Variants in NT5DC4 observed in about 807,000 individuals in gnomAD.
NT5DC4 encodes 5'-nucleotidase domain-containing protein 4.
Under a neutral mutation model 26.6 loss-of-function variants are expected in NT5DC4, and 44 were observed. The observed-to-expected ratio is 1.65, with a 90% CI of 1.30 to 2.13. The LOEUF (loss-of-function observed/expected upper bound fraction) is 2.13, where lower values mean the gene tolerates loss of function less well. Among genes scored for constraint, NT5DC4 ranks in the 30% most tolerant of loss-of-function variants. NT5DC4 has a pLI of 0.00. For synonymous variants in NT5DC4, 157 were observed against 86.7 expected, an observed-to-expected ratio of 1.81 and a Z score of -4.51; for missense variants, 399 against 228.1, an observed-to-expected ratio of 1.75 and a Z score of -4.83.
At chr2:112,725,900 C>T (rs1677647599) in intron 13 of NT5DC4, among the ~76,000 whole-genome samples, 2 of 141,518 alleles carry the variant, frequency 1.4e-5, no homozygotes, top group South Asian at 4.7e-4. Context: ...ACACCTTCCA[C>T]CCAGGTATGA....
downstream of NT5DC4, chr2:112,742,566 G>T: frequency 1.4e-6 from 1 of 710,692 alleles, no homozygotes; most frequent in Non-Finnish European, 2.6e-6. Context: ...GATGACAATG[G>T]CTGAAAGGGC....
rs1294833948 is a variant in NT5DC4 at position 112,723,474 on chromosome 2, T to C, written c.672+6T>C. The C allele has an allele frequency of 1.4e-6, 1 of 716,776 alleles. No individual in the cohort carries two copies. The highest frequency in any genetic ancestry group is 1.7e-5 in the African/African-American group (1 of 57,150). 44.4% of individuals were successfully genotyped at this position (716,776 alleles called of 1,614,324 possible). The stretch of plus-strand genomic sequence containing the variant: ...AGAAATATGTGAAGAAGGATGTGAG[T>C]GGCCACAGACCCAGGGCCATGGCCA... On this transcript the variant is annotated splice_donor_region_variant and intron_variant, in intron 8 of 16. Coordinates refer to ENST00000688554, the MANE Select transcript of NT5DC4 (RefSeq NM_001393655.1).
chr2:112,742,509 C>A, downstream of NT5DC4: 1 of 718,750 alleles, frequency 1.4e-6, no homozygotes, highest in South Asian at 1.5e-5. Context: ...AACCTTTGTT[C>A]AGTATTGAGT....
intron 10 of NT5DC4, 125 bp downstream of exon 10, chr2:112,724,251 G>A (rs947405787): frequency 1.4e-6 from 1 of 694,072 alleles, no homozygotes; most frequent in South Asian, 1.5e-5. Flanking sequence ...ACCTGAGTGT[G>A]TGAGTGGTCA....
rs976777664 is a variant in NT5DC4 at position 112,722,291 on chromosome 2, G to C, written c.362+13G>C. ...CCTTCCTCTCGGAGTAAGGGACAAA[G>C]GTGCCGGGAGAGTGGCAGGCCAGGA... On this transcript the variant is annotated intron_variant, in intron 4 of 16. Coordinates refer to ENST00000688554, the MANE Select transcript of NT5DC4 (RefSeq NM_001393655.1). The C allele has an allele frequency of 2.0e-5, 14 of 716,942 alleles. No homozygotes were observed. The highest frequency in any genetic ancestry group is 1.8e-5 in the Non-Finnish European group (7 of 385,092). The allele number at this position is 716,942 out of a possible 1,614,324, so 44.4% of individuals were successfully genotyped here.
In NT5DC4 at chr2:112,726,321, G is replaced by A. The variant is rs894090114; in HGVS notation, c.1205+32G>A. On this transcript the variant is annotated intron_variant, in intron 14 of 16. Coordinates refer to ENST00000688554, the MANE Select transcript of NT5DC4 (RefSeq NM_001393655.1). ...CCCTGGCCTTTCTGGGGGTGGGATG[G>A]GGCAGGGAGAGGTATGGAGGGGCAG... The A allele has an allele frequency of 7.0e-6, 5 of 717,158 alleles. No individual in the cohort carries two copies. In the African/African-American group the frequency reaches 8.7e-5, roughly 13 times the overall value. The allele number at this position is 717,158 out of a possible 1,614,324, so 44.4% of individuals were successfully genotyped here.
rs1676827178 is a variant in NT5DC4 at position 112,721,158 on chromosome 2, G to A, written c.74+5G>A. On this transcript the variant is annotated splice_donor_5th_base_variant and intron_variant, in intron 1 of 16. Transcript: ENST00000688554. ...GAAGCAGGACTGGCACCAGCGGTGA[G>A]ATGGGCACCTGGGGTGGGGGCCAGG... Among the ~76,000 whole-genome samples, 1 of 152,208 alleles carries A rather than the reference G, an allele frequency of 6.6e-6. No individual in the cohort carries two copies. The highest frequency in any genetic ancestry group is 2.1e-4 in the South Asian group (1 of 4,830).
intron 15 of NT5DC4, among the ~76,000 whole-genome samples, chr2:112,727,529 T>A (rs1468214887): frequency 6.6e-6 from 1 of 152,112 alleles, no homozygotes; most frequent in East Asian, 1.9e-4. Context: ...GTGGGTTTAG[T>A]CCTGGGTGGT....
At chr2:112,742,640 T>C (rs1680049903), downstream of NT5DC4, 4 of 1,067,596 alleles carry the variant, frequency 3.7e-6, no homozygotes, top group Non-Finnish European at 5.7e-6. Flanking sequence ...CTTTTTCCTA[T>C]ATGTCCTGGA....
intron 16 of NT5DC4, chr2:112,738,607 A>G (rs1010694503): frequency 8.9e-6 from 5 of 560,536 alleles, no homozygotes; most frequent in South Asian, 4.7e-5. Context: ...AAATTTATGT[A>G]TACTGTAAAA....
chr2:112,720,636 G>A (rs1676789203), upstream of NT5DC4, among the ~76,000 whole-genome samples: 1 of 152,136 alleles, frequency 6.6e-6, no homozygotes, highest in Non-Finnish European at 1.5e-5. Context: ...TCTCTAAATG[G>A]CCTTGAGCTG....
intron 4 of NT5DC4, 87 bp downstream of exon 4, chr2:112,722,365 G>A: frequency 1.4e-6 from 1 of 712,708 alleles, no homozygotes. Context: ...GAGGGAGGAA[G>A]GACGCAGGCC....
At chr2:112,722,373 G>A (rs1250660847) in intron 4 of NT5DC4, 95 bp downstream of exon 4, 12 of 712,000 alleles carry the variant, frequency 1.7e-5, no homozygotes, top group Non-Finnish European at 3.1e-5. Flanking sequence ...AAGGACGCAG[G>A]CCCACGGTGG....
intron 16 of NT5DC4, among the ~76,000 whole-genome samples, chr2:112,732,077 A>C (rs1258575408): frequency 6.6e-6 from 1 of 151,646 alleles, no homozygotes; most frequent in Non-Finnish European, 1.5e-5. Context: ...CACCTGGCTA[A>C]TTTTTGTATT....
intron 16 of NT5DC4, chr2:112,731,113 A>G (rs1678436322): frequency 6.6e-6 from 1 of 152,048 alleles, no homozygotes; most frequent in Non-Finnish European, 1.5e-5. Context: ...AGGATCAGGA[A>G]AGTTACATCG....
At chr2:112,734,788 C>T (rs1444404143) in intron 16 of NT5DC4, among the ~76,000 whole-genome samples, 1 of 152,142 alleles carries the variant, frequency 6.6e-6, no homozygotes, top group African/African-American at 2.4e-5. Flanking sequence ...TTCCCGGGTT[C>T]AAGTGATCCT....
rs945392213 is a variant in NT5DC4, at chr2:112,722,128, G to T, written c.266+25G>T. On this transcript the variant is annotated intron_variant, in intron 3 of 16. Coordinates refer to ENST00000688554, the MANE Select transcript of NT5DC4 (RefSeq NM_001393655.1). ...GGTGTGTGGCTCAGGACAGGTGGGA[G>T]GCCACCCGGCCTTGGTACCCCCACC... 5.6e-6 allele frequency: 4 copies of T among 713,426 alleles called. No individual in the cohort carries two copies. The South Asian group carries it at 5.9e-5, about 11-fold the overall frequency. The allele number at this position is 713,426 out of a possible 1,614,324, so 44.2% of individuals were successfully genotyped here.
intron 16 of NT5DC4, among the ~76,000 whole-genome samples, chr2:112,735,181 T>C (rs1678969231): frequency 6.6e-6 from 1 of 150,972 alleles, no homozygotes. Flanking sequence ...GTAGCTGGGA[T>C]TACAGGTGCG....
Position 112,725,451 on chromosome 2 carries a change from T to G in NT5DC4, c.1052T>G (p.Ile351Ser). Residue 351 changes from isoleucine (I) to serine (S), a missense_variant, in exon 13 of 17, where the codon ATT becomes AGT. By Grantham distance (142) the Ile-to-Ser change is moderately radical. Transcript: ENST00000688554. ...GMDILYIGDHIFGDILKSKKR... is the reference protein window; with the variant it reads ...GMDILYIGDHSFGDILKSKKR... The stretch of plus-strand genomic sequence containing the variant: ...GACATCCTGTACATTGGGGACCACA[T>G]TTTTGGGGACATTCTCAAGTCCAAG... The G allele has an allele frequency of 1.4e-6, 1 of 717,060 alleles. No homozygotes were observed. Among genetic ancestry groups the G allele is most frequent in the East Asian group, 2.7e-5 (1 of 37,274 alleles). The allele number at this position is 717,060 out of a possible 1,614,324, so 44.4% of individuals were successfully genotyped here.
Sources: allele counts gnomAD v4.1 joint callset (sites outside exome capture counted in the v4.1 genomes callset), GRCh38; gene constraint gnomAD v4.1.1; transcripts MANE v1.5; gene names NCBI Gene and HGNC (gene_info 2026-07-23, HGNC 2026-07-21).